PTPRD: variants seen among roughly 807,000 people sequenced by gnomAD.
The protein encoded by PTPRD is receptor-type tyrosine-protein phosphatase delta.
PTPRD carries 34 observed loss-of-function variants against 214.5 expected under a neutral mutation model. That is an observed-to-expected ratio of 0.16 (90% confidence interval 0.12 to 0.21). PTPRD has a LOEUF of 0.21. Ranked by LOEUF, PTPRD falls within the 10% of genes least tolerant of loss-of-function variation. The pLI, the probability that PTPRD is intolerant of heterozygous loss-of-function variation, is 1.00. For missense variants in PTPRD, 2,545 were observed against 2,398.7 expected (o/e 1.06, Z -1.27); for synonymous variants, 1,128 against 845.7 (o/e 1.33, Z -5.79).
At chr9:9,515,752 GA>G (rs1240128793) in intron 8 of PTPRD, among the ~76,000 whole-genome samples, 5 of 151,662 alleles carry the variant, frequency 3.3e-5, no homozygotes, top group South Asian at 2.1e-4. Flanking sequence ...TAGAAAACAT[GA>G]AAAAAAGTTT....
chr9:8,567,758 A>G (rs1484902613), intron 14 of PTPRD, among the ~76,000 whole-genome samples: 2 of 152,160 alleles, frequency 1.3e-5, no homozygotes, highest in Admixed American at 6.6e-5. Flanking sequence ...GGAAGTAATT[A>G]TAGATATTTT....
intron 10 of PTPRD, among the ~76,000 whole-genome samples, chr9:9,163,629 T>C (rs2099895167): frequency 6.6e-6 from 1 of 152,232 alleles, no homozygotes; most frequent in East Asian, 1.9e-4. Flanking sequence ...CCTATGAGAA[T>C]ACAGTTATGA....
intron 3 of PTPRD, among the ~76,000 whole-genome samples, chr9:10,265,365 C>A (rs1359586413): frequency 1.3e-5 from 2 of 152,088 alleles, no homozygotes; most frequent in Non-Finnish European, 2.9e-5. Flanking sequence ...AAAATGAGGC[C>A]CTCTATGACA....
chr9:9,612,618 G>A (rs1367887383), intron 7 of PTPRD, among the ~76,000 whole-genome samples: 1 of 151,766 alleles, frequency 6.6e-6, no homozygotes, highest in Non-Finnish European at 1.5e-5. Flanking sequence ...CATAACCTGT[G>A]GTCAGCATCA....
At chr9:10,075,803 T>A (rs1038928839) in intron 3 of PTPRD, among the ~76,000 whole-genome samples, 7 of 152,076 alleles carry the variant, frequency 4.6e-5, no homozygotes, top group Admixed American at 1.3e-4. Context: ...CACACTAATT[T>A]TTCAAATAAC....
intron 9 of PTPRD, among the ~76,000 whole-genome samples, chr9:9,325,934 G>A (rs994660832): frequency 6.6e-6 from 1 of 152,160 alleles, no homozygotes; most frequent in Non-Finnish European, 1.5e-5. Flanking sequence ...GGCCTTTTCT[G>A]CTTCTATTGA....
chr9:9,317,880 G>T (rs1328912514), intron 9 of PTPRD, among the ~76,000 whole-genome samples: 1 of 151,988 alleles, frequency 6.6e-6, no homozygotes, highest in Admixed American at 6.6e-5. Flanking sequence ...ATTAAAATAG[G>T]TATTTTTCCA....
chr9:9,652,257 C>T (rs923863159), intron 7 of PTPRD, among the ~76,000 whole-genome samples: 1 of 152,160 alleles, frequency 6.6e-6, no homozygotes, highest in African/African-American at 2.4e-5. Context: ...TGTTCTCTCT[C>T]TCTACACTTC....
Position 10,229,260 on chromosome 9 carries a change from T to A in PTPRD, c.-545+111703A>T, listed in dbSNP as rs571931914. Reference sequence around the variant, plus strand: ...CACTTTTACACTGTTGGCGGGACTGTAAACTAGTTCAATCATTGTGGAAGT... The same window carrying A: ...CACTTTTACACTGTTGGCGGGACTGAAAACTAGTTCAATCATTGTGGAAGT... On this transcript the variant is annotated intron_variant, in intron 3 of 45. Transcript: ENST00000381196. Among the ~76,000 whole-genome samples the A allele has an allele frequency of 2.0e-5, 3 of 152,036 alleles. No homozygotes were observed. In the East Asian group the frequency reaches 5.8e-4, roughly 30 times the overall value.
At chr9:8,902,831 A>G (rs1436344432) in intron 11 of PTPRD, among the ~76,000 whole-genome samples, 2 of 152,154 alleles carry the variant, frequency 1.3e-5, no homozygotes, top group African/African-American at 2.4e-5. Flanking sequence ...AATCTTTACA[A>G]TTTCAGTCTT....
chr9:8,989,097 A>G (rs143467034), intron 11 of PTPRD, among the ~76,000 whole-genome samples: 1 of 152,154 alleles, frequency 6.6e-6, no homozygotes, highest in East Asian at 1.9e-4. Flanking sequence ...TTGCTATATG[A>G]TAGTTGTATA....
At chr9:9,068,912 C>G (rs759855809) in intron 10 of PTPRD, among the ~76,000 whole-genome samples, 1 of 151,954 alleles carries the variant, frequency 6.6e-6, no homozygotes, top group Non-Finnish European at 1.5e-5. Flanking sequence ...TCTCGGCCTA[C>G]AAAAATTTCT....
intron 2 of PTPRD, among the ~76,000 whole-genome samples, chr9:10,553,439 C>A (rs1017584552): frequency 3.3e-5 from 5 of 151,726 alleles, no homozygotes; most frequent in African/African-American, 1.2e-4. Flanking sequence ...AATTCTCATC[C>A]CTGAGTTGTA....
intron 5 of PTPRD, among the ~76,000 whole-genome samples, chr9:9,795,125 G>A (rs10977982): frequency 0.14 from 21,868 of 152,154 alleles, 1,681 homozygotes; most frequent in Non-Finnish European, 0.16. Flanking sequence ...CTTTAACTAT[G>A]TATAGTTAAG....
intron 5 of PTPRD, among the ~76,000 whole-genome samples, chr9:9,858,654 C>A (rs913224637): frequency 6.6e-6 from 1 of 152,098 alleles, no homozygotes. Flanking sequence ...GGTAAACAAA[C>A]TTCTGGCTTA....
intron 9 of PTPRD, among the ~76,000 whole-genome samples, chr9:9,197,725 G>C (rs917648238): frequency 1.5e-4 from 23 of 152,200 alleles, no homozygotes; most frequent in African/African-American, 5.5e-4. Context: ...TTTCTTTTCT[G>C]CTGAGTTAAT....
chr9:10,306,961 T>A (rs2096092707), intron 3 of PTPRD, among the ~76,000 whole-genome samples: 1 of 152,150 alleles, frequency 6.6e-6, no homozygotes, highest in Non-Finnish European at 1.5e-5. Flanking sequence ...TATTTGAAAG[T>A]GTTTATGGGG....
At chr9:8,792,662 T>C (rs2096274577) in intron 11 of PTPRD, among the ~76,000 whole-genome samples, 1 of 152,210 alleles carries the variant, frequency 6.6e-6, no homozygotes, top group Non-Finnish European at 1.5e-5. Context: ...TGAAATTATA[T>C]ATCTCGAGGA....
At chr9:10,206,940 A>G (rs1246054565) in intron 3 of PTPRD, among the ~76,000 whole-genome samples, 2 of 152,188 alleles carry the variant, frequency 1.3e-5, no homozygotes, top group Non-Finnish European at 2.9e-5. Flanking sequence ...TCAGATTTGC[A>G]TATTGTTCAG....
Sources: allele counts gnomAD v4.1 joint callset (sites outside exome capture counted in the v4.1 genomes callset), GRCh38; gene constraint gnomAD v4.1.1; transcripts MANE v1.5; gene names NCBI Gene and HGNC (gene_info 2026-07-23, HGNC 2026-07-21).